COL26A1: variants seen among roughly 807,000 people sequenced by gnomAD.
COL26A1 encodes the protein collagen type XXVI alpha 1 chain, also known as collagen alpha-1(XXVI) chain.
COL26A1 carries 41 observed loss-of-function variants against 59.3 expected under a neutral mutation model. The ratio of observed to expected loss-of-function variants is 0.69; its 90% confidence interval spans 0.54 to 0.90. The LOEUF is 0.90. Among genes scored for constraint, COL26A1 ranks in the 40% least tolerant of loss-of-function variants. The probability of loss-of-function intolerance (pLI) is 0.00; values close to 1 mark genes in which losing one functional copy is unlikely to be tolerated. For synonymous variants in COL26A1, 266 were observed against 256.0 expected (o/e 1.04, Z -0.37); for missense variants, 612 against 602.3 (o/e 1.02, Z -0.17).
chr7:101,388,733 T>G (rs1346092444), intron 1 of COL26A1: 2 of 152,170 alleles, frequency 1.3e-5, no homozygotes, highest in Non-Finnish European at 2.9e-5. Context: ...CGGCTAAGTT[T>G]TTTTTTGTAC....
chr7:101,459,326 G>GT (rs1291610749), intron 3 of COL26A1, among the ~76,000 whole-genome samples: 1 of 151,902 alleles, frequency 6.6e-6, no homozygotes, highest in Non-Finnish European at 1.5e-5. Flanking sequence ...TTGAGACGGA[G>GT]TCTCGCTCTG....
intron 3 of COL26A1, among the ~76,000 whole-genome samples, chr7:101,463,770 CTTCTTTCT>C (rs1307312490): frequency 2.7e-5 from 1 of 37,106 alleles, no homozygotes; most frequent in African/African-American, 1.8e-4. Context: ...CTTTTCCTTC[CTTCTTTCT>C]TTCTTTCTTC....
At chr7:101,503,924 A>G (rs1356825372) in intron 3 of COL26A1, among the ~76,000 whole-genome samples, 2 of 152,196 alleles carry the variant, frequency 1.3e-5, no homozygotes, top group African/African-American at 4.8e-5. Context: ...ACAGTAGTTC[A>G]GTATTTACAG....
chr7:101,420,699 A>C (rs62463407), intron 2 of COL26A1, among the ~76,000 whole-genome samples: 3 of 6,302 alleles, frequency 4.8e-4, no homozygotes, highest in Admixed American at 2.2e-3. Context: ...CTCACCAGCC[A>C]CACCCCTCAC....
intron 3 of COL26A1, among the ~76,000 whole-genome samples, chr7:101,519,104 G>T (rs1795088326): frequency 2.0e-5 from 3 of 152,246 alleles, no homozygotes; most frequent in Non-Finnish European, 2.9e-5. Flanking sequence ...TGTTACACTT[G>T]CCTGTCCAGA....
intron 2 of COL26A1, among the ~76,000 whole-genome samples, chr7:101,440,718 C>A (rs2130354842): frequency 6.6e-6 from 1 of 152,302 alleles, no homozygotes; most frequent in East Asian, 1.9e-4. Flanking sequence ...GTAATCCCAG[C>A]ACTTTGGGAG....
intron 3 of COL26A1, among the ~76,000 whole-genome samples, chr7:101,505,135 T>C (rs1015821984): frequency 2.0e-5 from 3 of 151,968 alleles, no homozygotes; most frequent in African/African-American, 7.2e-5. Context: ...AAGTTATGTG[T>C]GTGGATGAAT....
chr7:101,363,645 G>A (rs906729867), intron 1 of COL26A1, among the ~76,000 whole-genome samples: 1 of 151,716 alleles, frequency 6.6e-6, no homozygotes, highest in Non-Finnish European at 1.5e-5. Context: ...GGGGCTGAAG[G>A]TTCGGGTCCG....
At chr7:101,544,763 C>T (rs1006507396) in intron 6 of COL26A1, among the ~76,000 whole-genome samples, 7 of 152,102 alleles carry the variant, frequency 4.6e-5, no homozygotes, top group African/African-American at 1.7e-4. Flanking sequence ...GAACTCCTGA[C>T]CTCAGGTGAC....
chr7:101,414,407 G>T (rs895586520), intron 1 of COL26A1, among the ~76,000 whole-genome samples: 230 of 117,604 alleles, frequency 2.0e-3, no homozygotes, highest in Admixed American at 8.4e-3. Context: ...TCTCTCTCTC[G>T]CTCGCTCTCG....
At position 101,437,956 on chromosome 7, in the gene COL26A1, T is replaced by C. The variant is rs181099984; in HGVS notation, c.282-9728T>C. ...TTGAACTCCTGGCTTCAGGTGATCC[T>C]CCTGCCTTGGCCTCCCGAAGTGTTG... On this transcript the variant is annotated intron_variant, in intron 2 of 12. Transcript: ENST00000313669. Among the ~76,000 whole-genome samples, 136 of 152,154 alleles carry C rather than the reference T, an allele frequency of 8.9e-4. 2 individuals carry two copies. The highest frequency in any genetic ancestry group is 2.9e-3 in the African/African-American group (122 of 41,544).
At chr7:101,472,098 A>C (rs530169394) in intron 3 of COL26A1, among the ~76,000 whole-genome samples, 121 of 151,920 alleles carry the variant, frequency 8.0e-4, no homozygotes. Flanking sequence ...TCAACCGCCC[A>C]GGGTCAAGCT....
At chr7:101,474,406 G>A (rs1793985108) in intron 3 of COL26A1, among the ~76,000 whole-genome samples, 1 of 146,702 alleles carries the variant, frequency 6.8e-6, no homozygotes. Flanking sequence ...AGACCAGCCT[G>A]GGCAATATAG....
At chr7:101,490,727 C>A (rs1794439471) in intron 3 of COL26A1, among the ~76,000 whole-genome samples, 1 of 143,562 alleles carries the variant, frequency 7.0e-6, no homozygotes, top group Admixed American at 7.0e-5. Context: ...CACTATGGAC[C>A]ATGGCTCATG....
chr7:101,549,161 C>T lies in COL26A1; in HGVS notation c.941-10C>T. 1 of 1,567,362 alleles carries T rather than the reference C, an allele frequency of 6.4e-7. No individual in the cohort carries two copies. ...TGGCCCCAGGTGACCATCTGTGACT[C>T]TGCCCACAGGTCCCCCTGGGCCTCG... On this transcript the variant is annotated splice_polypyrimidine_tract_variant and intron_variant, in intron 8 of 12. Transcript: ENST00000313669.
intron 1 of COL26A1, among the ~76,000 whole-genome samples, chr7:101,414,411 G>A (rs1388335386): frequency 1.4e-5 from 2 of 144,776 alleles, no homozygotes; most frequent in South Asian, 4.5e-4. Flanking sequence ...TCTCTCGCTC[G>A]CTCTCGCTCT....
rs551848185 is a variant in COL26A1, at chr7:101,366,966, C to CG, written c.158+3777dup. The stretch of plus-strand genomic sequence containing the variant: ...CTTGTTGAAGACCAGTTGTTCTCTG[C>CG]GATGTCCACGTACTAGATTTAGCTA... On this transcript the variant is annotated intron_variant, in intron 1 of 12. Transcript: ENST00000313669. 5.4e-4 allele frequency among the ~76,000 whole-genome samples: 82 copies of CG among 152,242 alleles called. 2 individuals are homozygous for CG. The South Asian group carries it at 0.011, about 21-fold the overall frequency.
chr7:101,510,909 T>A (rs868556329), intron 3 of COL26A1, among the ~76,000 whole-genome samples: 1 of 136,914 alleles, frequency 7.3e-6, no homozygotes, highest in East Asian at 2.0e-4. Flanking sequence ...TTTTTTTTTT[T>A]TTTTTTTTTG....
intron 2 of COL26A1, among the ~76,000 whole-genome samples, chr7:101,433,707 C>T (rs773213428): frequency 3.9e-5 from 6 of 151,916 alleles, no homozygotes; most frequent in Non-Finnish European, 7.4e-5. Context: ...CTGGAGAAGC[C>T]GAGCAGGGTG....
Sources: gnomAD v4.1 joint callset for allele counts (sites outside exome capture counted in the v4.1 genomes callset) on GRCh38, gnomAD v4.1.1 for gene constraint, MANE v1.5 for transcripts, NCBI Gene and HGNC (gene_info 2026-07-23, HGNC 2026-07-21) for gene names.